CDH18: variants seen among roughly 807,000 people sequenced by gnomAD.
The protein encoded by CDH18 is cadherin-18.
A neutral mutation model predicts 67.9 loss-of-function variants in CDH18; 31 were observed. That is an observed-to-expected ratio of 0.46 (90% confidence interval 0.34 to 0.62). The LOEUF is 0.62. Ranked by LOEUF, CDH18 falls within the 20% of genes least tolerant of loss-of-function variation. CDH18 has a pLI of 0.01. For missense variants in CDH18, 890 were observed against 975.5 expected, an observed-to-expected ratio of 0.91 and a Z score of 1.17; for synonymous variants, 362 against 347.2, an observed-to-expected ratio of 1.04 and a Z score of -0.48.
chr5:20,017,667 T>C (rs1737994620), intron 2 of CDH18, among the ~76,000 whole-genome samples: 2 of 152,322 alleles, frequency 1.3e-5, no homozygotes, highest in Middle Eastern at 6.8e-3. Context: ...CCAGTTGATG[T>C]GGTGAGAAAG....
At chr5:19,724,887 A>G (rs1025835071) in intron 4 of CDH18, among the ~76,000 whole-genome samples, 4 of 150,814 alleles carry the variant, frequency 2.7e-5, no homozygotes, top group Non-Finnish European at 4.4e-5. Context: ...TATCTCTTCC[A>G]CTATAAAGTA....
intron 1 of CDH18, among the ~76,000 whole-genome samples, chr5:20,444,930 AAG>A (rs1487372873): frequency 6.6e-6 from 1 of 152,210 alleles, no homozygotes. Flanking sequence ...AGCTGAAAGC[AAG>A]AATTGGTTGT....
At chr5:19,630,632 CTTA>C (rs1752289232) in intron 5 of CDH18, among the ~76,000 whole-genome samples, 1 of 152,096 alleles carries the variant, frequency 6.6e-6, no homozygotes, top group South Asian at 2.1e-4. Flanking sequence ...ATTTTTCTAT[CTTA>C]TTTCTTAGTA....
In CDH18 at chr5:20,021,736, G is replaced by A. The variant is rs138300481; in HGVS notation, c.-517-29722C>T. Among the ~76,000 whole-genome samples, 334 of 152,268 alleles carry A rather than the reference G, an allele frequency of 2.2e-3. 1 individual carries two copies. Among genetic ancestry groups the A allele is most frequent in the African/African-American group, 7.6e-3 (316 of 41,550 alleles). Reference sequence around the variant, plus strand: ...TTCTGTACAGCCTGTGAAACTGTGAGTCAATTAAAACTCTTTTCTTTATAA... The same window carrying A: ...TTCTGTACAGCCTGTGAAACTGTGAATCAATTAAAACTCTTTTCTTTATAA... On this transcript the variant is annotated intron_variant, in intron 2 of 14. Transcript: ENST00000507958.
In CDH18 at chr5:19,646,636, C is replaced by T. The variant is rs374018765; in HGVS notation, c.644-34035G>A. Among the ~76,000 whole-genome samples the T allele has an allele frequency of 3.9e-5, 6 of 152,076 alleles. No homozygotes were observed. The East Asian group carries it at 5.8e-4, about 15-fold the overall frequency. Reference sequence around the variant, plus strand: ...GATTATAGGTGTGAGCCACCACGCCCGGCCTTAAATTAATTTAATAAAAAA... The same window carrying T: ...GATTATAGGTGTGAGCCACCACGCCTGGCCTTAAATTAATTTAATAAAAAA... On this transcript the variant is annotated intron_variant, in intron 5 of 12. Coordinates refer to ENST00000382275, the MANE Select transcript of CDH18 (RefSeq NM_004934.5).
chr5:19,536,909 G>C (rs766696898), intron 9 of CDH18, among the ~76,000 whole-genome samples: 1 of 152,098 alleles, frequency 6.6e-6, no homozygotes, highest in Non-Finnish European at 1.5e-5. Context: ...TGGCACTCGA[G>C]GTGATTCAAA....
At chr5:20,269,304 A>G (rs1745269614) in intron 1 of CDH18, among the ~76,000 whole-genome samples, 2 of 151,554 alleles carry the variant, frequency 1.3e-5, no homozygotes, top group African/African-American at 4.8e-5. Context: ...TGCAGTCTCT[A>G]TGAAAACAGT....
At chr5:20,063,348 AT>A (rs1370374951) in intron 2 of CDH18, among the ~76,000 whole-genome samples, 34 of 152,122 alleles carry the variant, frequency 2.2e-4, no homozygotes, top group South Asian at 6.2e-4. Context: ...ATTATAAATG[AT>A]TTTATGAATC....
At chr5:19,589,190 G>A (rs1211415251) in intron 7 of CDH18, among the ~76,000 whole-genome samples, 2 of 151,994 alleles carry the variant, frequency 1.3e-5, no homozygotes, top group South Asian at 2.1e-4. Context: ...AGTCAATCCT[G>A]TACTTCCTTT....
At chr5:20,264,983 G>C (rs1744922387) in intron 1 of CDH18, among the ~76,000 whole-genome samples, 1 of 152,020 alleles carries the variant, frequency 6.6e-6, no homozygotes, top group South Asian at 2.1e-4. Context: ...ATGATCTCAG[G>C]ATACAAATTG....
intron 2 of CDH18, among the ~76,000 whole-genome samples, chr5:19,864,465 A>G (rs2149994315): frequency 1.3e-5 from 2 of 152,054 alleles, no homozygotes; most frequent in African/African-American, 4.8e-5. Context: ...CCATCATGGC[A>G]CATGTATACA....
intron 2 of CDH18, among the ~76,000 whole-genome samples, chr5:20,181,155 CAA>C (rs1737657537): frequency 1.3e-5 from 2 of 152,088 alleles, no homozygotes; most frequent in Non-Finnish European, 2.9e-5. Flanking sequence ...CATATGAAAT[CAA>C]AAGTGTGCTG....
At chr5:20,194,419 T>C (rs1018804901) in intron 2 of CDH18, among the ~76,000 whole-genome samples, 1 of 152,080 alleles carries the variant, frequency 6.6e-6, no homozygotes, top group Non-Finnish European at 1.5e-5. Flanking sequence ...TGGAACACCA[T>C]AGATAACTAA....
At chr5:19,856,068 G>A (rs1457757811) in intron 2 of CDH18, among the ~76,000 whole-genome samples, 4 of 152,154 alleles carry the variant, frequency 2.6e-5, no homozygotes, top group African/African-American at 7.2e-5. Context: ...CAATAAACAC[G>A]TTAAGTGAAA....
At chr5:19,761,749 T>C (rs1772380530) in intron 3 of CDH18, among the ~76,000 whole-genome samples, 2 of 152,136 alleles carry the variant, frequency 1.3e-5, no homozygotes, top group Admixed American at 6.5e-5. Flanking sequence ...TACTTTAAAG[T>C]TCATATGGAA....
intron 2 of CDH18, among the ~76,000 whole-genome samples, chr5:19,940,241 T>C (rs1794680318): frequency 6.6e-6 from 1 of 151,378 alleles, no homozygotes. Context: ...ATTTATAGTA[T>C]TTATAGTAAT....
chr5:20,273,505 C>T (rs1745586560), intron 1 of CDH18, among the ~76,000 whole-genome samples: 2 of 152,026 alleles, frequency 1.3e-5, no homozygotes, highest in Admixed American at 1.3e-4. Flanking sequence ...CTTAGTATTA[C>T]TGCTGTCAAT....
intron 5 of CDH18, among the ~76,000 whole-genome samples, chr5:19,640,561 T>C (rs956660875): frequency 2.0e-5 from 3 of 151,938 alleles, no homozygotes; most frequent in East Asian, 3.9e-4. Flanking sequence ...ACCAGAAATA[T>C]GTGGAAACTA....
intron 1 of CDH18, among the ~76,000 whole-genome samples, chr5:20,407,540 GA>G (rs1394556610): frequency 6.8e-6 from 1 of 147,090 alleles, no homozygotes; most frequent in South Asian, 2.1e-4. Context: ...GAATCTCAGG[GA>G]AAAAATGAAC....
Sources: gnomAD v4.1 joint callset for allele counts (sites outside exome capture counted in the v4.1 genomes callset) on GRCh38, gnomAD v4.1.1 for gene constraint, MANE v1.5 for transcripts, NCBI Gene and HGNC (gene_info 2026-07-23, HGNC 2026-07-21) for gene names.